COL15A1: variants seen among roughly 807,000 people sequenced by gnomAD.
COL15A1 encodes the protein collagen type XV alpha 1 chain.
COL15A1 carries 111 observed loss-of-function variants against 165.9 expected under a neutral mutation model. That is an observed-to-expected ratio of 0.67 (90% confidence interval 0.57 to 0.78). The LOEUF is 0.78. Ranked by LOEUF, COL15A1 falls within the 30% of genes least tolerant of loss-of-function variation. The pLI is 0.00. For synonymous variants in COL15A1, 659 were observed against 674.8 expected (o/e 0.98, Z 0.36); for missense variants, 1,745 against 1,789.7 (o/e 0.98, Z 0.45).
chr9:99,035,857 C>T (rs1259669508), intron 19 of COL15A1, among the ~76,000 whole-genome samples: 1 of 152,114 alleles, frequency 6.6e-6, no homozygotes, highest in Non-Finnish European at 1.5e-5. Context: ...GAAGCGATGC[C>T]GGCTCTCAGG....
intron 11 of COL15A1, 48 bp downstream of exon 11, chr9:99,016,167 G>GA (rs1838932215): frequency 6.5e-7 from 1 of 1,534,814 alleles, no homozygotes; most frequent in African/African-American, 1.4e-5. Flanking sequence ...CCTTACAGGG[G>GA]AGAGAAAGAA....
chr9:98,951,605 C>T (rs1374283265), intron 2 of COL15A1, among the ~76,000 whole-genome samples: 1 of 152,196 alleles, frequency 6.6e-6, no homozygotes, highest in Non-Finnish European at 1.5e-5. Flanking sequence ...TTCTCTGTTG[C>T]CCAGGCTGTA....
At chr9:99,054,978 C>A in intron 32 of COL15A1, 124 bp from the exon 33 acceptor site, 1 of 871,602 alleles carries the variant, frequency 1.1e-6, no homozygotes, top group Non-Finnish European at 1.9e-6. Context: ...CAAGCAGACT[C>A]TGTTAGCCAA....
intron 9 of COL15A1, among the ~76,000 whole-genome samples, chr9:99,010,455 T>G (rs1271604374): frequency 6.6e-6 from 1 of 152,172 alleles, no homozygotes; most frequent in Non-Finnish European, 1.5e-5. Flanking sequence ...GCCCTCCATA[T>G]TTATTAGGCA....
chr9:99,024,660 A>G (rs1030488233), intron 14 of COL15A1, among the ~76,000 whole-genome samples: 1 of 152,300 alleles, frequency 6.6e-6, no homozygotes, highest in Non-Finnish European at 1.5e-5. Flanking sequence ...AAAGACTGAG[A>G]TTCAAATCCC....
rs1193346007 is a variant in COL15A1, at chr9:99,035,092, C to T, written c.2158C>T (p.Pro720Ser). The T allele has an allele frequency of 1.9e-6, 3 of 1,610,444 alleles. No homozygotes were observed. Among genetic ancestry groups the T allele is most frequent in the South Asian group, 2.2e-5 (2 of 90,988 alleles). The change falls in exon 18 of 42, where the codon CCA (proline) becomes TCA (serine). Residue 720 changes from proline to serine, a missense_variant. Coordinates refer to ENST00000375001, the MANE Select transcript of COL15A1 (RefSeq NM_001855.5). The part of the protein sequence containing the change: ...QAGPPGVMGP[P>S]GPPGPPGPPG... The stretch of plus-strand genomic sequence containing the variant: ...TGGCCCTCCTGGGGTCATGGGACCC[C>T]CAGGGCCTCCTGGACCCCCTGGGCC...
At chr9:98,982,498 A>G (rs1564026519) in intron 2 of COL15A1, among the ~76,000 whole-genome samples, 1 of 152,170 alleles carries the variant, frequency 6.6e-6, no homozygotes, top group Non-Finnish European at 1.5e-5. Flanking sequence ...AGGGTCTGGT[A>G]CGATAGAAAC....
At chr9:99,001,495 G>A (rs1156395703) in intron 7 of COL15A1, among the ~76,000 whole-genome samples, 1 of 152,122 alleles carries the variant, frequency 6.6e-6, no homozygotes, top group Middle Eastern at 3.2e-3. Context: ...AGTTCTCACA[G>A]CTCTCTCAGT....
chr9:98,944,522 C>T (rs997614391), intron 2 of COL15A1, among the ~76,000 whole-genome samples: 1 of 152,168 alleles, frequency 6.6e-6, no homozygotes, highest in Non-Finnish European at 1.5e-5. Context: ...CAATCTTAGG[C>T]AGAGAGGGAC....
At chr9:98,996,397 T>G (rs1838543299) in intron 5 of COL15A1, among the ~76,000 whole-genome samples, 1 of 152,180 alleles carries the variant, frequency 6.6e-6, no homozygotes, top group African/African-American at 2.4e-5. Flanking sequence ...CTGTTGGGGT[T>G]TTGTTTGTTT....
At chr9:98,944,115 A>G in intron 1 of COL15A1, 43 bp downstream of exon 1, 1 of 1,614,030 alleles carries the variant, frequency 6.2e-7, no homozygotes, top group Non-Finnish European at 8.5e-7. Context: ...GGGCCCCTCC[A>G]ATACTCTTGC....
chr9:99,048,075 G>A, intron 28 of COL15A1, 75 bp downstream of exon 28: 1 of 802,762 alleles, frequency 1.2e-6, no homozygotes, highest in East Asian at 2.7e-5. Flanking sequence ...ACAGAGCAGG[G>A]CCTGTGGACT....
intron 2 of COL15A1, among the ~76,000 whole-genome samples, chr9:98,959,760 A>G (rs1168452740): frequency 6.6e-6 from 1 of 152,168 alleles, no homozygotes; most frequent in Non-Finnish European, 1.5e-5. Flanking sequence ...GTCCTCTAGC[A>G]TGGCTTCTCA....
intron 2 of COL15A1, among the ~76,000 whole-genome samples, chr9:98,946,983 T>A (rs1837597182): frequency 6.6e-6 from 1 of 152,240 alleles, no homozygotes; most frequent in Non-Finnish European, 1.5e-5. Context: ...TCCCAACGAT[T>A]TGGCAGTTTC....
At chr9:98,963,846 T>C (rs1280065559) in intron 2 of COL15A1, among the ~76,000 whole-genome samples, 1 of 152,214 alleles carries the variant, frequency 6.6e-6, no homozygotes, top group East Asian at 1.9e-4. Flanking sequence ...GTTAAGGTCA[T>C]GCCCATCCCG....
chr9:99,060,229 T>TA (rs1825787256), intron 36 of COL15A1, among the ~76,000 whole-genome samples: 2 of 125,086 alleles, frequency 1.6e-5, no homozygotes. Context: ...ATTACTTATA[T>TA]ATTTTTATAT....
intron 4 of COL15A1, 35 bp from the exon 5 acceptor site, chr9:98,989,143 C>T (rs1838371672): frequency 6.4e-7 from 1 of 1,574,202 alleles, no homozygotes; most frequent in Non-Finnish European, 8.7e-7. Flanking sequence ...CCTGCCCGCT[C>T]TGCCCGGTGT....
intron 39 of COL15A1, 37 bp from the exon 40 acceptor site, chr9:99,066,845 T>C (rs1362930582): frequency 6.3e-7 from 1 of 1,583,044 alleles, no homozygotes; most frequent in South Asian, 1.1e-5. Context: ...AGTTTGCCTT[T>C]GATTCTGACT....
intron 16 of COL15A1, among the ~76,000 whole-genome samples, chr9:99,033,157 G>T (rs1364379988): frequency 6.6e-6 from 1 of 152,184 alleles, no homozygotes; most frequent in Non-Finnish European, 1.5e-5. Context: ...GCAGACTGTT[G>T]GGAGGTGGGC....
Sources: gnomAD v4.1 joint callset for allele counts (sites outside exome capture counted in the v4.1 genomes callset) on GRCh38, gnomAD v4.1.1 for gene constraint, MANE v1.5 for transcripts, NCBI Gene and HGNC (gene_info 2026-07-23, HGNC 2026-07-21) for gene names.